The following LARGE1 variants were observed in gnomAD, a reference collection of about 807,000 sequenced individuals.
LARGE1 encodes xylosyl- and glucuronyltransferase LARGE1.
A neutral mutation model predicts 87.6 loss-of-function variants in LARGE1; 43 were observed. The ratio of observed to expected loss-of-function variants is 0.49; its 90% confidence interval spans 0.38 to 0.63. The LOEUF (loss-of-function observed/expected upper bound fraction) is 0.63. Among genes scored for constraint, LARGE1 ranks in the 30% least tolerant of loss-of-function variants. The pLI is 0.00. For synonymous variants in LARGE1, 434 were observed against 394.6 expected (o/e 1.10, Z -1.18); for missense variants, 802 against 1,000.2 (o/e 0.80, Z 2.67).
At chr22:33,575,211 A>G (rs2078319031) in intron 5 of LARGE1, among the ~76,000 whole-genome samples, 1 of 152,214 alleles carries the variant, frequency 6.6e-6, no homozygotes, top group Admixed American at 6.5e-5. Flanking sequence ...TGGCTGAATC[A>G]TTTACACTGG....
chr22:33,817,082 G>A (rs532961932), intron 1 of LARGE1, among the ~76,000 whole-genome samples: 48 of 152,168 alleles, frequency 3.2e-4, no homozygotes, highest in Admixed American at 8.5e-4. Context: ...ATGTGTATAC[G>A]TATATAGACA....
At chr22:33,530,680 T>A (rs2072154795) in intron 6 of LARGE1, among the ~76,000 whole-genome samples, 1 of 152,162 alleles carries the variant, frequency 6.6e-6, no homozygotes, top group South Asian at 2.1e-4. Flanking sequence ...GGATCATGCA[T>A]CAGCTTCACA....
At chr22:33,256,740 C>T (rs368048610) in intron 11 of LARGE1, among the ~76,000 whole-genome samples, 5 of 152,208 alleles carry the variant, frequency 3.3e-5, no homozygotes, top group African/African-American at 4.8e-5. Context: ...TAGCCTCATG[C>T]GGTCTGTATC....
chr22:33,240,649 A>T lies in LARGE1; in HGVS notation c.1730+63580T>A, dbSNP rs181628632. On this transcript the variant is annotated intron_variant, in intron 11 of 11. Transcript: ENST00000608642. ...TTCAATATTGCTTTGCTTTTTAAAA[A>T]TTTTGTATTTTCATTTACATTTTAA... is the stretch of plus-strand genomic sequence containing the variant. Among the ~76,000 whole-genome samples, 896 of 152,326 alleles carry T rather than the reference A, an allele frequency of 5.9e-3. 9 individuals carry two copies. The highest frequency in any genetic ancestry group is 8.2e-3 in the Non-Finnish European group (559 of 68,032).
intron 2 of LARGE1, among the ~76,000 whole-genome samples, chr22:33,665,981 TA>T (rs3216424): frequency 0.077 from 11,315 of 146,686 alleles, 555 homozygotes; most frequent in East Asian, 0.17. Context: ...AAAAAGAAGT[TA>T]AAAAAAAAAA....
chr22:33,147,597 C>A, the LARGE1 span, among the ~76,000 whole-genome samples: 2 of 152,082 alleles, frequency 1.3e-5, no homozygotes, highest in South Asian at 4.2e-4. Flanking sequence ...ACCTAGGTCT[C>A]GCGATTATAG....
Position 33,612,439 on chromosome 22 carries a change from C to T in LARGE1, c.492-7881G>A, listed in dbSNP as rs1469742407. On this transcript the variant is annotated intron_variant, in intron 4 of 14. Coordinates refer to ENST00000397394, the MANE Select transcript of LARGE1 (RefSeq NM_133642.5). ...TTATAGCAACACAAGAACAGTCTAA[C>T]AGGGATAGGTGACATAGGGCTAACT... is the stretch of plus-strand genomic sequence containing the variant. Among the ~76,000 whole-genome samples, 4 of 152,272 alleles carry T rather than the reference C, an allele frequency of 2.6e-5. No individual in the cohort carries two copies. The South Asian group carries it at 8.3e-4, about 32-fold the overall frequency.
At chr22:33,708,188 G>A (rs1026279590) in intron 2 of LARGE1, among the ~76,000 whole-genome samples, 12 of 151,586 alleles carry the variant, frequency 7.9e-5, no homozygotes, top group Admixed American at 7.9e-4. Flanking sequence ...GCACTGTCGT[G>A]AGTCCAGCCT....
rs574034345 is a variant in LARGE1, at chr22:33,569,453, C to T, written c.616-4434G>A. On this transcript the variant is annotated intron_variant, in intron 5 of 14. Transcript: ENST00000397394. Reference sequence around the variant, plus strand: ...CCAAGTCCCCAACTTAATACATAATCAATTAAGTCCAAGTGTTCAATTAGT... The same window carrying T: ...CCAAGTCCCCAACTTAATACATAATTAATTAAGTCCAAGTGTTCAATTAGT... Among the ~76,000 whole-genome samples the T allele has an allele frequency of 4.6e-5, 7 of 152,292 alleles. No homozygotes were observed. The East Asian group carries it at 1.3e-3, about 29-fold the overall frequency.
At chr22:33,138,489 G>T in the LARGE1 span, among the ~76,000 whole-genome samples, 1 of 151,722 alleles carries the variant, frequency 6.6e-6, no homozygotes, top group East Asian at 1.9e-4. Context: ...TGTCATCCAG[G>T]CTGGAGGGCA....
chr22:33,429,997 G>A (rs2067020678), intron 7 of LARGE1, among the ~76,000 whole-genome samples: 2 of 152,140 alleles, frequency 1.3e-5, no homozygotes, highest in African/African-American at 4.8e-5. Flanking sequence ...CATCCTAGAG[G>A]CTTCCTATAG....
intron 1 of LARGE1, among the ~76,000 whole-genome samples, chr22:33,842,903 C>G (rs2063319896): frequency 1.4e-5 from 2 of 140,840 alleles, no homozygotes; most frequent in Non-Finnish European, 3.0e-5. Flanking sequence ...ATTTCCCATT[C>G]TAGCACAAAC....
chr22:33,374,661 T>C (rs1037106760), intron 9 of LARGE1, among the ~76,000 whole-genome samples: 1 of 152,180 alleles, frequency 6.6e-6, no homozygotes, highest in Non-Finnish European at 1.5e-5. Flanking sequence ...CTTGTAGAAA[T>C]ATTAAATGAT....
intron 7 of LARGE1, among the ~76,000 whole-genome samples, chr22:33,426,035 C>T (rs949698109): frequency 2.0e-5 from 3 of 152,100 alleles, no homozygotes; most frequent in East Asian, 1.9e-4. Flanking sequence ...TGTGAGCCAC[C>T]GCACCTGGCC....
At chr22:33,433,865 G>A (rs893947729) in intron 6 of LARGE1, among the ~76,000 whole-genome samples, 3 of 152,154 alleles carry the variant, frequency 2.0e-5, no homozygotes, top group Non-Finnish European at 2.9e-5. Flanking sequence ...TATGATGACA[G>A]CTCCCTGAAA....
intron 9 of LARGE1, among the ~76,000 whole-genome samples, chr22:33,367,659 T>C (rs1019763762): frequency 6.6e-6 from 1 of 152,120 alleles, no homozygotes; most frequent in Admixed American, 6.5e-5. Context: ...ACTCCTGAAC[T>C]CAAGGGATCC....
At chr22:33,401,963 C>A (rs1220756463) in intron 7 of LARGE1, among the ~76,000 whole-genome samples, 1 of 152,178 alleles carries the variant, frequency 6.6e-6, no homozygotes, top group Non-Finnish European at 1.5e-5. Flanking sequence ...TGCCTTCAAT[C>A]CTGCCCATTC....
intron 11 of LARGE1, among the ~76,000 whole-genome samples, chr22:33,244,197 A>G (rs989374307): frequency 2.0e-5 from 3 of 150,940 alleles, no homozygotes; most frequent in Admixed American, 6.6e-5. Flanking sequence ...GGGCTTCACC[A>G]TGTTAACCAG....
chr22:33,159,686 G>T (rs1207132976), downstream of LARGE1, among the ~76,000 whole-genome samples: 5 of 150,998 alleles, frequency 3.3e-5, no homozygotes, highest in East Asian at 9.7e-4. Context: ...CCGGGTTCAC[G>T]CCATTCTCCT....
Sources: allele counts gnomAD v4.1 joint callset (sites outside exome capture counted in the v4.1 genomes callset), GRCh38; gene constraint gnomAD v4.1.1; transcripts MANE v1.5; gene names NCBI Gene and HGNC (gene_info 2026-07-23, HGNC 2026-07-21).